The following SLC5A1 variants were observed in gnomAD, a reference collection of about 807,000 sequenced individuals.
SLC5A1 encodes the protein solute carrier family 5 member 1, also known as sodium/glucose cotransporter 1.
A neutral mutation model predicts 73.5 loss-of-function variants in SLC5A1; 42 were observed. The observed-to-expected ratio is 0.57, with a 90% CI of 0.45 to 0.74. The LOEUF is 0.74. SLC5A1 is among the 30% of genes least tolerant of loss of function. The probability of loss-of-function intolerance (pLI) is 0.00; values close to 1 mark genes in which losing one functional copy is unlikely to be tolerated. For synonymous variants in SLC5A1, 300 were observed against 317.4 expected (o/e 0.95, Z 0.58); for missense variants, 634 against 855.4 (o/e 0.74, Z 3.23).
At chr22:32,098,763 G>A (rs924278494) in intron 11 of SLC5A1, among the ~76,000 whole-genome samples, 4 of 152,074 alleles carry the variant, frequency 2.6e-5, no homozygotes, top group Non-Finnish European at 5.9e-5. Context: ...GTATATGTAT[G>A]TATGCATATG....
intron 2 of SLC5A1, chr22:32,059,380 G>A (rs1342292874): frequency 6.1e-6 from 6 of 978,090 alleles, no homozygotes; most frequent in East Asian, 1.1e-4. Flanking sequence ...GCTCTGGATG[G>A]TGTCAGTGGA....
At chr22:32,083,883 C>T (rs2094003844) in intron 7 of SLC5A1, among the ~76,000 whole-genome samples, 1 of 152,188 alleles carries the variant, frequency 6.6e-6, no homozygotes, top group African/African-American at 2.4e-5. Flanking sequence ...TGGGTGTTAG[C>T]TAGGCAGGCA....
At position 32,084,568 on chromosome 22, in the gene SLC5A1, T is replaced by G. The variant is rs1267350348; in HGVS notation, c.794T>G (p.Ile265Ser). Residue 265 changes from isoleucine (I) to serine (S), a missense_variant, in exon 8 of 15, where the codon ATC (isoleucine) becomes AGC (serine). Ile to Ser is a moderately radical substitution (Grantham distance 142, BLOSUM62 -2). This residue lies in a region of SLC5A1 where 422 missense variants were observed against 626.1 expected (regional missense o/e 0.67). Coordinates refer to ENST00000266088, the MANE Select transcript of SLC5A1 (RefSeq NM_000343.4). Reference protein sequence around the residue: ...CYTPRADSFHIFRDPLTGDLP... With the variant: ...CYTPRADSFHSFRDPLTGDLP... ...ACTCCAAGGGCCGACTCCTTCCACATCTTCCGAGATCCCCTCACGGGAGAC... is the reference window on the plus strand; with the variant it reads ...ACTCCAAGGGCCGACTCCTTCCACAGCTTCCGAGATCCCCTCACGGGAGAC... 1.2e-6 allele frequency: 2 copies of G among 1,614,228 alleles called. No individual in the cohort carries two copies. The highest frequency in any genetic ancestry group is 1.7e-6 in the Non-Finnish European group (2 of 1,180,034).
chr22:32,066,748 G>A (rs1209968548), intron 2 of SLC5A1, among the ~76,000 whole-genome samples, 187 bp from the exon 3 acceptor site: 1 of 152,176 alleles, frequency 6.6e-6, no homozygotes, highest in African/African-American at 2.4e-5. Context: ...CATCTTTACT[G>A]TTTTCCAAGT....
chr22:32,105,008 G>C (rs2094042977), intron 14 of SLC5A1, 117 bp downstream of exon 14: 1 of 773,526 alleles, frequency 1.3e-6, no homozygotes. Context: ...CCCCTCCAGG[G>C]CAGTGAGGAG....
At chr22:32,078,305 T>C (rs1044603567) in intron 5 of SLC5A1, among the ~76,000 whole-genome samples, 5 of 152,182 alleles carry the variant, frequency 3.3e-5, no homozygotes, top group Admixed American at 3.3e-4. Flanking sequence ...CAAAACTCTA[T>C]CACCCAGGCT....
rs932672311 is a variant in SLC5A1, at chr22:32,084,745, G to C, written c.885+86G>C. ...GTCTGTCTGTGGTTTGCAGGGTTGG[G>C]ACAGGGAGGGGAGAGCTCAGGTGGT... On this transcript the variant is annotated intron_variant, in intron 8 of 14. Coordinates refer to ENST00000266088, the MANE Select transcript of SLC5A1 (RefSeq NM_000343.4). 47 of 1,511,278 alleles carry C rather than the reference G, an allele frequency of 3.1e-5. 1 individual carries two copies. In the South Asian group the frequency reaches 5.1e-4, roughly 16 times the overall value. 93.6% of individuals were successfully genotyped at this position (1,511,278 alleles called of 1,614,324 possible). A position where few individuals can be genotyped will look rare whatever the true frequency, so the allele number is the denominator to read the frequency against.
In SLC5A1 at chr22:32,071,550, CAG is replaced by C. The variant is rs2093982876; in HGVS notation, c.477+2959_477+2960del. 2.0e-5 allele frequency among the ~76,000 whole-genome samples: 3 copies of C among 152,136 alleles called. No homozygotes were observed. In the South Asian group the frequency reaches 6.2e-4, roughly 32 times the overall value. On this transcript the variant is annotated intron_variant, in intron 5 of 14. Coordinates refer to ENST00000266088, the MANE Select transcript of SLC5A1 (RefSeq NM_000343.4). ...AGAAGCTCTCTGGGTTGCAGTAGGG[CAG>C]AGAGAGAGGTGGTGTTTTCTGAGAT...
chr22:32,083,079 C>T lies in SLC5A1; in HGVS notation c.589C>T (p.Leu197=), dbSNP rs2094002534. The change falls in exon 7 of 15, where the codon CTG becomes TTG. Residue 197 remains leucine (L), a synonymous_variant. Coordinates refer to ENST00000266088, the MANE Select transcript of SLC5A1 (RefSeq NM_000343.4). ...ITALYTITGG[L]AAVIYTDTLQ... The stretch of plus-strand genomic sequence containing the variant: ...TTGTCTTCTTGCCTGCTTAGGGGGC[C>T]TGGCGGCGGTGATTTACACGGACAC... The T allele has an allele frequency of 6.2e-7, 1 of 1,614,016 alleles. No individual in the cohort carries two copies. Among genetic ancestry groups the T allele is most frequent in the African/African-American group, 1.3e-5 (1 of 74,920 alleles).
At chr22:32,052,881 C>T (rs1039334595) in intron 2 of SLC5A1, among the ~76,000 whole-genome samples, 1 of 152,152 alleles carries the variant, frequency 6.6e-6, no homozygotes, top group Non-Finnish European at 1.5e-5. Context: ...AGTCTATATT[C>T]TGGCCTCTGG....
chr22:32,091,986 T>G (rs186492896), intron 11 of SLC5A1, among the ~76,000 whole-genome samples: 290 of 150,600 alleles, frequency 1.9e-3, no homozygotes, highest in Non-Finnish European at 5.1e-4. Context: ...AAACAGGTCG[T>G]ATTTGGTTAC....
Position 32,112,964 on chromosome 22 carries a change from T to C in SLC5A1, c.*2751T>C, listed in dbSNP as rs2094060100. ...AATATGTACATATATAAAAATATGT[T>C]GTATGCCATGAGTATATATAATTAT... On this transcript the variant is annotated 3_prime_UTR_variant, in exon 15 of 15. Transcript: ENST00000266088. 1 of 152,178 alleles carries C rather than the reference T, an allele frequency of 6.6e-6. No individual in the cohort carries two copies. The highest frequency in any genetic ancestry group is 2.1e-4 in the South Asian group (1 of 4,828). The allele number at this position is 152,178 out of a possible 1,614,324, so 9.4% of individuals were successfully genotyped here.
chr22:32,099,329 T>G lies in SLC5A1; in HGVS notation c.1427T>G (p.Phe476Cys), dbSNP rs2094032479. 1 of 1,613,074 alleles carries G rather than the reference T, an allele frequency of 6.2e-7. No individual in the cohort carries two copies. Among genetic ancestry groups the G allele is most frequent in the African/African-American group, 1.3e-5 (1 of 74,950 alleles). Residue 476 changes from phenylalanine (F) to cysteine (C), a missense_variant, in exon 12 of 15, where the codon TTC (phenylalanine) becomes TGC (cysteine). Transcript: ENST00000266088. The part of the protein sequence containing the change: ...PIAAVFLLAI[F>C]WKRVNEPGAF... ...GCGGCTGTCTTCCTGCTTGCTATTT[T>G]CTGGAAGAGAGTCAATGAGCCAGTA... is the stretch of plus-strand genomic sequence containing the variant.
intron 5 of SLC5A1, among the ~76,000 whole-genome samples, chr22:32,075,142 C>T (rs1359414850): frequency 6.7e-6 from 1 of 150,348 alleles, no homozygotes; most frequent in Non-Finnish European, 1.5e-5. Context: ...GAACTCCTCG[C>T]CTCAAGTGAT....
chr22:32,108,175 C>T (rs1029114128), intron 14 of SLC5A1, among the ~76,000 whole-genome samples: 5 of 150,422 alleles, frequency 3.3e-5, no homozygotes, highest in Admixed American at 1.3e-4. Flanking sequence ...GGCACAATAT[C>T]GGCTCACTGC....
chr22:32,051,859 G>A (rs1234994994), intron 2 of SLC5A1, among the ~76,000 whole-genome samples: 1 of 152,146 alleles, frequency 6.6e-6, no homozygotes, highest in African/African-American at 2.4e-5. Flanking sequence ...AACATCCAAG[G>A]AAAATGGATG....
intron 6 of SLC5A1, 80 bp from the exon 7 acceptor site, chr22:32,082,994 G>C: frequency 7.9e-7 from 1 of 1,265,432 alleles, no homozygotes. Flanking sequence ...CAGAAGTAGA[G>C]GGTGGAGAGT....
intron 2 of SLC5A1, among the ~76,000 whole-genome samples, chr22:32,060,153 A>G (rs1968312082): frequency 2.5e-5 from 1 of 40,116 alleles, no homozygotes; most frequent in South Asian, 1.8e-3. Flanking sequence ...ATACACACAC[A>G]CACACACACA....
At chr22:32,078,032 A>C (rs1256828365) in intron 5 of SLC5A1, among the ~76,000 whole-genome samples, 1 of 152,258 alleles carries the variant, frequency 6.6e-6, no homozygotes, top group Non-Finnish European at 1.5e-5. Context: ...AGTTGCAATT[A>C]GAATATGCGC....
Sources: allele counts gnomAD v4.1 joint callset (sites outside exome capture counted in the v4.1 genomes callset), GRCh38; gene constraint gnomAD v4.1.1; regional missense constraint gnomAD v4.1.1; transcripts MANE v1.5; gene names NCBI Gene and HGNC (gene_info 2026-07-23, HGNC 2026-07-21).